The following CDKAL1 variants were observed in gnomAD, a reference collection of about 807,000 sequenced individuals.
CDKAL1 encodes threonylcarbamoyladenosine tRNA methylthiotransferase.
CDKAL1 carries 32 observed loss-of-function variants against 68.2 expected under a neutral mutation model. The observed-to-expected ratio is 0.47, with a 90% CI of 0.35 to 0.63. CDKAL1 has a LOEUF of 0.63. CDKAL1 is among the 30% of genes least tolerant of loss of function. CDKAL1 has a pLI of 0.00. For missense variants in CDKAL1, 606 were observed against 696.7 expected, an observed-to-expected ratio of 0.87 and a Z score of 1.47; for synonymous variants, 234 against 244.3, an observed-to-expected ratio of 0.96 and a Z score of 0.39.
At chr6:21,049,042 T>TG (rs1396530307) in intron 11 of CDKAL1, among the ~76,000 whole-genome samples, 4 of 152,132 alleles carry the variant, frequency 2.6e-5, no homozygotes, top group Non-Finnish European at 5.9e-5. Flanking sequence ...GGGTGGAGGA[T>TG]GAGCTTTCTT....
intron 8 of CDKAL1, among the ~76,000 whole-genome samples, chr6:20,820,539 G>A (rs931292532): frequency 6.6e-6 from 1 of 152,130 alleles, no homozygotes; most frequent in Non-Finnish European, 1.5e-5. Context: ...CTTTTGATGC[G>A]ATTTACCCTG....
chr6:21,169,278 C>T (rs190368939), intron 13 of CDKAL1, among the ~76,000 whole-genome samples: 9 of 152,260 alleles, frequency 5.9e-5, no homozygotes, highest in Admixed American at 3.3e-4. Context: ...GATGTTAATC[C>T]GACTAGCATA....
At chr6:20,919,160 A>T (rs910919933) in intron 9 of CDKAL1, among the ~76,000 whole-genome samples, 2 of 152,210 alleles carry the variant, frequency 1.3e-5, no homozygotes, top group African/African-American at 4.8e-5. Flanking sequence ...GGTCTACAGC[A>T]TCATTAGCTC....
chr6:20,899,227 G>T (rs1343025842), intron 9 of CDKAL1, among the ~76,000 whole-genome samples: 7 of 151,834 alleles, frequency 4.6e-5, no homozygotes, highest in Admixed American at 4.6e-4. Flanking sequence ...ACCACACCTG[G>T]ATAATTTTTG....
intron 4 of CDKAL1, among the ~76,000 whole-genome samples, chr6:20,648,422 C>T (rs1768588558): frequency 6.6e-6 from 1 of 151,958 alleles, no homozygotes; most frequent in East Asian, 1.9e-4. Context: ...GCCACTGCGC[C>T]CGGTAGAATT....
At chr6:21,223,139 G>T (rs545795361) in intron 15 of CDKAL1, among the ~76,000 whole-genome samples, 6 of 152,230 alleles carry the variant, frequency 3.9e-5, no homozygotes, top group African/African-American at 1.4e-4. Context: ...CAAGTAAAAT[G>T]GATAAAATCT....
chr6:21,138,776 A>G (rs1439773919), intron 13 of CDKAL1, among the ~76,000 whole-genome samples: 1 of 152,174 alleles, frequency 6.6e-6, no homozygotes, highest in African/African-American at 2.4e-5. Context: ...ATAAGACTTA[A>G]GCACCCGGAC....
At chr6:21,012,872 G>A (rs1408294177) in intron 11 of CDKAL1, among the ~76,000 whole-genome samples, 7 of 152,280 alleles carry the variant, frequency 4.6e-5, no homozygotes, top group East Asian at 1.9e-4. Context: ...GTACAGTAGC[G>A]GCTGTGCAGA....
At chr6:20,985,993 A>G (rs1766433461) in intron 10 of CDKAL1, among the ~76,000 whole-genome samples, 1 of 151,998 alleles carries the variant, frequency 6.6e-6, no homozygotes, top group African/African-American at 2.4e-5. Flanking sequence ...CAGGGACAAC[A>G]TTGTTCTAAT....
chr6:20,840,968 A>G (rs1778151376), intron 8 of CDKAL1, among the ~76,000 whole-genome samples: 1 of 152,092 alleles, frequency 6.6e-6, no homozygotes, highest in Non-Finnish European at 1.5e-5. Flanking sequence ...TCCAAGATTT[A>G]GTTCTTGTTA....
intron 4 of CDKAL1, among the ~76,000 whole-genome samples, chr6:20,605,626 T>G (rs1035288411): frequency 6.6e-6 from 1 of 152,176 alleles, no homozygotes; most frequent in African/African-American, 2.4e-5. Context: ...TGCAGTTAAA[T>G]TACTTGGAAA....
At chr6:20,762,565 A>G (rs540534108) in intron 7 of CDKAL1, among the ~76,000 whole-genome samples, 1 of 152,302 alleles carries the variant, frequency 6.6e-6, no homozygotes, top group African/African-American at 2.4e-5. Flanking sequence ...AGCATATGTC[A>G]CTGAAATAAT....
Position 20,889,840 on chromosome 6 carries a change from C to T in CDKAL1, c.742+43662C>T, listed in dbSNP as rs548829970. 2.3e-4 allele frequency among the ~76,000 whole-genome samples: 35 copies of T among 152,220 alleles called. No individual in the cohort carries two copies. The South Asian group carries it at 2.7e-3, about 12-fold the overall frequency. ...TTTGCTTAGGATTGTCTTGGCAATG[C>T]GGGCTCTTTTTCAGTTCCATATGAA... On this transcript the variant is annotated intron_variant, in intron 9 of 15. Transcript: ENST00000274695.
chr6:20,761,138 C>A lies in CDKAL1; in HGVS notation c.517+2495C>A, dbSNP rs143114595. On this transcript the variant is annotated intron_variant, in intron 7 of 15. Coordinates refer to ENST00000274695, the MANE Select transcript of CDKAL1 (RefSeq NM_017774.3). ...TTTACTAAAGAAGATATGCAAATGT[C>A]AAATTAGCATATAAAAAGGTGTTTG... Among the ~76,000 whole-genome samples, 436 of 152,214 alleles carry A rather than the reference C, an allele frequency of 2.9e-3. 3 individuals are homozygous for A. The highest frequency in any genetic ancestry group is 9.8e-3 in the African/African-American group (407 of 41,536).
At chr6:21,031,732 C>T (rs1345358459) in intron 11 of CDKAL1, among the ~76,000 whole-genome samples, 3 of 151,982 alleles carry the variant, frequency 2.0e-5, no homozygotes, top group African/African-American at 7.3e-5. Flanking sequence ...TTAGAGGTAC[C>T]CTTTACTTCG....
At chr6:20,769,131 A>G (rs1458894205) in intron 7 of CDKAL1, among the ~76,000 whole-genome samples, 2 of 152,158 alleles carry the variant, frequency 1.3e-5, no homozygotes, top group Non-Finnish European at 2.9e-5. Context: ...TTCATTACCT[A>G]TGCCTTTTTC....
chr6:20,632,239 C>T (rs113889119), intron 4 of CDKAL1, among the ~76,000 whole-genome samples: 1 of 152,162 alleles, frequency 6.6e-6, no homozygotes, highest in Non-Finnish European at 1.5e-5. Flanking sequence ...GCAAAACAGT[C>T]CACTGTAGAT....
intron 13 of CDKAL1, among the ~76,000 whole-genome samples, chr6:21,181,151 TA>T (rs1292453735): frequency 6.6e-6 from 1 of 152,200 alleles, no homozygotes; most frequent in Non-Finnish European, 1.5e-5. Flanking sequence ...ACTGTCGAGA[TA>T]GCTAACCAAC....
intron 5 of CDKAL1, among the ~76,000 whole-genome samples, chr6:20,661,516 A>G (rs1023911324): frequency 7.2e-5 from 11 of 152,094 alleles, no homozygotes; most frequent in Non-Finnish European, 1.5e-5. Flanking sequence ...ACAGAATATT[A>G]TCATGTGATG....
Sources: gnomAD v4.1 joint callset for allele counts (sites outside exome capture counted in the v4.1 genomes callset) on GRCh38, gnomAD v4.1.1 for gene constraint, MANE v1.5 for transcripts, NCBI Gene and HGNC (gene_info 2026-07-23, HGNC 2026-07-21) for gene names.